NCOR2: variants seen among roughly 807,000 people sequenced by gnomAD.
NCOR2 encodes CTG repeat protein 26.
NCOR2 carries 81 observed loss-of-function variants against 262.9 expected under a neutral mutation model. The ratio of observed to expected loss-of-function variants is 0.31; its 90% CI spans 0.26 to 0.37. The LOEUF (loss-of-function observed/expected upper bound fraction) is 0.37, where lower values mean the gene tolerates loss of function less well. NCOR2 is among the 10% of genes least tolerant of loss of function. The pLI, the probability that NCOR2 is intolerant of heterozygous loss-of-function variation, is 1.00. For synonymous variants in NCOR2, 1,659 were observed against 1,559.3 expected, an observed-to-expected ratio of 1.06 and a Z score of -1.51; for missense variants, 3,385 against 3,621.4, an observed-to-expected ratio of 0.93 and a Z score of 1.68.
chr12:124,449,714 T>C, intron 7 of NCOR2, 101 bp downstream of exon 9: 2 of 1,404,436 alleles, frequency 1.4e-6, no homozygotes, highest in Non-Finnish European at 2.0e-6. Flanking sequence ...GAGCCCCTGA[T>C]GGGAACAGAG....
At chr12:124,521,968 G>T (rs953108361) in intron 1 of NCOR2, among the ~76,000 whole-genome samples, 2 of 152,164 alleles carry the variant, frequency 1.3e-5, no homozygotes, top group African/African-American at 4.8e-5. Context: ...AGTGAGCCAA[G>T]ATCATGCCAC....
At chr12:124,357,884 G>T (rs2038089159) in intron 22 of NCOR2, among the ~76,000 whole-genome samples, 2 of 148,488 alleles carry the variant, frequency 1.3e-5, no homozygotes, top group Non-Finnish European at 3.0e-5. Context: ...ACACAATGTT[G>T]AAGGAGGTAA....
rs1395262641 is a variant in NCOR2, at chr12:124,483,608, T to G, written c.399A>C (p.Glu133Asp). ...GGCCCAGGCTTACCTTGGTGAGGTC[T>G]TCAGATCCCGCAGGCTGGCCCGTGG... The change falls in exon 3 of 47, where the codon GAA becomes GAC. Residue 133 changes from glutamate to aspartate, a missense_variant. Coordinates refer to ENST00000405201, the Ensembl canonical transcript of NCOR2. This position sits in a 1 kb window ranked among gnomAD's most constrained non-coding sequence, Gnocchi z 6.3. The G allele has an allele frequency of 1.9e-6, 3 of 1,602,640 alleles. No homozygotes were observed. The highest frequency in any genetic ancestry group is 2.6e-6 in the Non-Finnish European group (3 of 1,175,020).
rs777699312 is a variant in NCOR2 at position 124,372,361 on chromosome 12, G to A, written c.2468C>T (p.Pro823Leu). ...GGTCTCCTCCTCCTTCTCCTCCTTGGGGACCACAGGAGGAGGTGCAGAGGG... is the reference window on the plus strand; with the variant it reads ...GGTCTCCTCCTCCTTCTCCTCCTTGAGGACCACAGGAGGAGGTGCAGAGGG... Residue 823 changes from proline to leucine, a missense_variant, in exon 20 of 47, where the codon CCC becomes CTC. By Grantham distance (98) the Pro-to-Leu change is moderately conservative (BLOSUM62 -3). Coordinates refer to ENST00000405201, the Ensembl canonical transcript of NCOR2. The A allele has an allele frequency of 3.6e-5, 55 of 1,513,270 alleles. No individual in the cohort carries two copies. The highest frequency in any genetic ancestry group is 4.7e-5 in the Non-Finnish European group (54 of 1,137,242). 93.7% of individuals were successfully genotyped at this position (1,513,270 alleles called of 1,614,324 possible).
rs1269155847 is a variant in NCOR2, at chr12:124,481,733, T to C, written c.411+1863A>G. Among the ~76,000 whole-genome samples the C allele has an allele frequency of 1.3e-5, 2 of 152,080 alleles. No individual in the cohort carries two copies. The highest frequency in any genetic ancestry group is 2.9e-5 in the Non-Finnish European group (2 of 67,990). On this transcript the variant is annotated intron_variant, in intron 3 of 46. Coordinates refer to ENST00000405201, the Ensembl canonical transcript of NCOR2. The surrounding 1 kb of genome is among the most constrained non-coding windows in gnomAD (Gnocchi z 4.6). ...GACCTGCAGCCCATGGCAAGGATTT[T>C]GGCTTTTTCCTGCTTGAGACAGGAG...
Position 124,531,248 on chromosome 12 carries a change from A to T in NCOR2, c.-118+4317T>A, listed in dbSNP as rs1204982392. ...AGAAAATGATAATAATAATAGAAGG[A>T]CAGGGAGGGGGCTGCAGGGATGGGG... is the stretch of plus-strand genomic sequence containing the variant. On this transcript the variant is annotated intron_variant, in intron 1 of 46. Transcript: ENST00000404621. This position sits in a 1 kb window ranked among gnomAD's most constrained non-coding sequence, Gnocchi z 4.5. Among the ~76,000 whole-genome samples the T allele has an allele frequency of 1.3e-5, 2 of 152,082 alleles. No homozygotes were observed. Among genetic ancestry groups the T allele is most frequent in the Admixed American group, 1.3e-4 (2 of 15,286 alleles).
intron 1 of NCOR2, among the ~76,000 whole-genome samples, chr12:124,490,887 G>A (rs1369598143): frequency 1.3e-5 from 2 of 152,258 alleles, no homozygotes; most frequent in South Asian, 2.1e-4. Flanking sequence ...TGACCCTGCC[G>A]GACTGGGCCT....
intron 13 of NCOR2, among the ~76,000 whole-genome samples, chr12:124,402,895 G>A (rs904980535): frequency 5.9e-5 from 9 of 152,134 alleles, no homozygotes; most frequent in Non-Finnish European, 1.0e-4. Flanking sequence ...TCTCTGTGCC[G>A]ACTCCTTCGC....
intron 2 of NCOR2, among the ~76,000 whole-genome samples, chr12:124,485,897 G>C (rs539063674): frequency 6.6e-6 from 1 of 152,128 alleles, no homozygotes; most frequent in African/African-American, 2.4e-5. Flanking sequence ...TGCATGGAGA[G>C]CTGGCTCTGA....
intron 13 of NCOR2, among the ~76,000 whole-genome samples, chr12:124,411,975 T>C (rs1241682815): frequency 6.6e-6 from 1 of 152,192 alleles, no homozygotes; most frequent in African/African-American, 2.4e-5. Context: ...TGCATCCCCG[T>C]GTCAGAACAC....
chr12:124,409,622 T>G (rs1480146805), intron 13 of NCOR2, among the ~76,000 whole-genome samples: 1 of 151,842 alleles, frequency 6.6e-6, no homozygotes, highest in East Asian at 1.9e-4. Context: ...TGCCCTTTTT[T>G]TTGGAGGCTT....
In NCOR2 at chr12:124,464,983, C is replaced by T. The variant is rs76224069; in HGVS notation, c.705+1190G>A. On this transcript the variant is annotated intron_variant, in intron 5 of 46. Coordinates refer to ENST00000405201, the Ensembl canonical transcript of NCOR2. The stretch of plus-strand genomic sequence containing the variant: ...CCCCAAACAGGCTTGTCTCATTCTG[C>T]ATGACATCGCTGTTTCTAGAGGTGG... Among the ~76,000 whole-genome samples, 303 of 152,326 alleles carry T rather than the reference C, an allele frequency of 2.0e-3. 1 individual carries two copies. Among genetic ancestry groups the T allele is most frequent in the African/African-American group, 6.8e-3 (284 of 41,566 alleles).
At chr12:124,390,569 G>A (rs1026215100) in intron 16 of NCOR2, among the ~76,000 whole-genome samples, 8 of 150,368 alleles carry the variant, frequency 5.3e-5, no homozygotes, top group Non-Finnish European at 1.2e-4. Flanking sequence ...ACTGCTCATC[G>A]GCAGGTGTCC....
intron 4 of NCOR2, among the ~76,000 whole-genome samples, chr12:124,467,729 ATCC>A (rs1302531520): frequency 2.6e-5 from 3 of 115,226 alleles, no homozygotes; most frequent in Admixed American, 8.9e-5. Context: ...CATCACCCTC[ATCC>A]TCATCACCCC....
In NCOR2 at chr12:124,398,194, T is replaced by C; in HGVS notation, c.1814-13A>G. ...AGCTCCATGGAGGCTGAAAAGAAGA[T>C]GCCAGGTTATTGGCAGGAGCCGGGA... On this transcript the variant is annotated splice_polypyrimidine_tract_variant and intron_variant, in intron 15 of 46. Coordinates refer to ENST00000405201, the Ensembl canonical transcript of NCOR2. 3 of 1,614,178 alleles carry C rather than the reference T, an allele frequency of 1.9e-6. No homozygotes were observed. Among genetic ancestry groups the C allele is most frequent in the African/African-American group, 1.3e-5 (1 of 75,076 alleles).
chr12:124,332,551 G>A lies in NCOR2; in HGVS notation c.6756-84C>T, dbSNP rs2035289733. On this transcript the variant is annotated intron_variant, in intron 42 of 46. Transcript: ENST00000405201. ...TGATGGGGAACTCACCACCTGAGAT[G>A]CCTTAGACATTTGGAAGCAAGCTTC... 3.2e-6 allele frequency: 5 copies of A among 1,570,270 alleles called. No homozygotes were observed. In the South Asian group the frequency reaches 4.5e-5, roughly 14 times the overall value.
exon 25 of NCOR2, chr12:124,354,856 G>A (rs1319051402): frequency 2.5e-6 from 4 of 1,612,838 alleles, no homozygotes; most frequent in Admixed American, 3.3e-5. Flanking sequence ...TGGGGTCCAT[G>A]GGCAGGGGCA....
chr12:124,334,003 C>CGCATGTGTGTGGGTGT (rs1241530449), intron 41 of NCOR2, among the ~76,000 whole-genome samples: 11 of 151,600 alleles, frequency 7.3e-5, no homozygotes, highest in Non-Finnish European at 1.5e-4. Context: ...TGTGTGTGTG[C>CGCATGTGTGTGGGTGT]GCATGTGTGT....
At position 124,350,763 on chromosome 12, in the gene NCOR2, C is replaced by T. The variant is rs201964993; in HGVS notation, c.3694-26G>A. ...CTGCAGGTGCAGAGGGGTGAGCGCCCAGGAGGCTGCAGCCCAGGACCCCTC... is the reference window on the plus strand; with the variant it reads ...CTGCAGGTGCAGAGGGGTGAGCGCCTAGGAGGCTGCAGCCCAGGACCCCTC... On this transcript the variant is annotated intron_variant, in intron 27 of 46. Coordinates refer to ENST00000405201, the Ensembl canonical transcript of NCOR2. 2,868 of 1,597,678 alleles carry T rather than the reference C, an allele frequency of 1.8e-3. 9 individuals carry two copies. Among genetic ancestry groups the T allele is most frequent in the Non-Finnish European group, 2.2e-3 (2,612 of 1,174,512 alleles).
Sources: allele counts gnomAD v4.1 joint callset (sites outside exome capture counted in the v4.1 genomes callset), GRCh38; gene constraint gnomAD v4.1.1; non-coding constraint Gnocchi (gnomAD v3.1); transcripts MANE v1.5; gene names NCBI Gene and HGNC (gene_info 2026-07-23, HGNC 2026-07-21).